The following CYFIP1 variants were observed in gnomAD, a reference collection of about 807,000 sequenced individuals.
CYFIP1 encodes cytoplasmic FMR1-interacting protein 1.
CYFIP1 carries 58 observed loss-of-function variants against 163.5 expected under a neutral mutation model. The observed-to-expected ratio is 0.35, with a 90% CI of 0.29 to 0.44. CYFIP1 has a LOEUF of 0.44. Ranked by LOEUF, CYFIP1 falls within the 20% of genes least tolerant of loss-of-function variation. CYFIP1 has a pLI of 1.00. For missense variants in CYFIP1, 1,338 were observed against 1,653.8 expected (o/e 0.81, Z 3.31); for synonymous variants, 663 against 660.7 (o/e 1.00, Z -0.05).
intron 12 of CYFIP1, among the ~76,000 whole-genome samples, chr15:22,927,483 C>CAAAAA (rs1188331935): frequency 0.014 from 821 of 57,284 alleles, 23 homozygotes; most frequent in East Asian, 0.13. Flanking sequence ...AACTCCGTCT[C>CAAAAA]AAAAAAAAAA....
chr15:22,957,993 G>A (rs1307123527), intron 1 of CYFIP1, among the ~76,000 whole-genome samples: 5 of 152,164 alleles, frequency 3.3e-5, no homozygotes, highest in Non-Finnish European at 1.5e-5. Flanking sequence ...CTGACCGCAC[G>A]GCTGCAGCAC....
chr15:22,935,109 A>G (rs1048931715), intron 9 of CYFIP1, among the ~76,000 whole-genome samples: 4 of 152,204 alleles, frequency 2.6e-5, no homozygotes, highest in Non-Finnish European at 5.9e-5. Context: ...CAGGAAATCA[A>G]TTCTAACGTG....
chr15:22,868,249 A>AGAT lies in CYFIP1; in HGVS notation c.*1776_*1778dup, dbSNP rs770672126. 1.1e-4 allele frequency: 16 copies of AGAT among 152,300 alleles called. No individual in the cohort carries two copies. Among genetic ancestry groups the AGAT allele is most frequent in the Middle Eastern group, 3.4e-3 (1 of 294 alleles). The allele number at this position is 152,300 out of a possible 1,614,324, so 9.4% of individuals were successfully genotyped here. On this transcript the variant is annotated 3_prime_UTR_variant, in exon 31 of 31. Coordinates refer to ENST00000617928, the MANE Select transcript of CYFIP1 (RefSeq NM_014608.6). The stretch of plus-strand genomic sequence containing the variant: ...TCCTCCCATGCCATTTTAATACTAC[A>AGAT]GATGTACTACGTATCTGTTTATATA...
chr15:22,932,352 G>C lies in CYFIP1; in HGVS notation c.993-12C>G, dbSNP rs189234912. On this transcript the variant is annotated splice_polypyrimidine_tract_variant and intron_variant, in intron 10 of 30. Coordinates refer to ENST00000617928, the MANE Select transcript of CYFIP1 (RefSeq NM_014608.6). ...ATGTGCACGTCCATCTGTGCAGAGAGAAAGCACCCGCGTTACCTGCGGAGG... is the reference window on the plus strand; with the variant it reads ...ATGTGCACGTCCATCTGTGCAGAGACAAAGCACCCGCGTTACCTGCGGAGG... 40 of 1,574,832 alleles carry C rather than the reference G, an allele frequency of 2.5e-5. 1 individual carries two copies. The East Asian group carries it at 5.9e-4, about 23-fold the overall frequency.
chr15:22,951,839 G>T (rs2062259526), intron 1 of CYFIP1, among the ~76,000 whole-genome samples: 1 of 152,172 alleles, frequency 6.6e-6, no homozygotes, highest in Non-Finnish European at 1.5e-5. Flanking sequence ...AACTGCTCGT[G>T]CGTCAGCTGT....
intron 6 of CYFIP1, 37 bp downstream of exon 6, chr15:22,943,136 C>T (rs1242966212): frequency 2.5e-6 from 4 of 1,602,738 alleles, no homozygotes; most frequent in Non-Finnish European, 3.4e-6. Context: ...GCTGGGTGCT[C>T]TCGGGAGGGC....
At chr15:22,969,969 G>A (rs942251879) in intron 1 of CYFIP1, among the ~76,000 whole-genome samples, 33 of 152,096 alleles carry the variant, frequency 2.2e-4, no homozygotes, top group Non-Finnish European at 2.8e-4. Flanking sequence ...AACTCTGGAT[G>A]ACATGATTTT....
At chr15:22,919,139 G>A (rs1419579254) in intron 13 of CYFIP1, among the ~76,000 whole-genome samples, 1 of 152,128 alleles carries the variant, frequency 6.6e-6, no homozygotes, top group Non-Finnish European at 1.5e-5. Flanking sequence ...TCCTGTGATG[G>A]AATTCAAATA....
chr15:22,918,029 G>C, intron 14 of CYFIP1, 94 bp from the exon 15 acceptor site: 1 of 1,399,708 alleles, frequency 7.1e-7, no homozygotes. Context: ...AAGGCTCTCA[G>C]AACAGCCCCC....
At chr15:22,954,425 A>G (rs1309462063) in intron 1 of CYFIP1, among the ~76,000 whole-genome samples, 1 of 152,208 alleles carries the variant, frequency 6.6e-6, no homozygotes, top group East Asian at 1.9e-4. Context: ...AAGAACCCAC[A>G]CGAGCTGGTA....
chr15:22,958,915 G>C (rs570203796), intron 1 of CYFIP1, among the ~76,000 whole-genome samples: 1 of 152,300 alleles, frequency 6.6e-6, no homozygotes, highest in South Asian at 2.1e-4. Context: ...CAGAGATGGG[G>C]CCCAGTATTC....
intron 11 of CYFIP1, among the ~76,000 whole-genome samples, chr15:22,928,553 CCGCGGGCTGGGCGCGGGGCTGTTACACG>C (rs1186476541): frequency 6.6e-6 from 1 of 152,150 alleles, no homozygotes; most frequent in East Asian, 1.9e-4. Context: ...GCCTGGGGGA[CCGCGGGCTGGGCGCGGGGCTGTTACACG>C]CGTGGGCTTG....
At chr15:22,945,115 T>G (rs756178993) in intron 3 of CYFIP1, among the ~76,000 whole-genome samples, 176 bp from the exon 4 acceptor site, 32 of 152,102 alleles carry the variant, frequency 2.1e-4, no homozygotes, top group Non-Finnish European at 3.8e-4. Context: ...GGGGCCACAA[T>G]GACCACCCAA....
chr15:22,973,477 C>G (rs906702972), intron 1 of CYFIP1, among the ~76,000 whole-genome samples: 6 of 152,042 alleles, frequency 3.9e-5, no homozygotes, highest in African/African-American at 1.2e-4. Flanking sequence ...TCTGGACTTT[C>G]CCCCTTGTAT....
chr15:22,977,164 A>C (rs200802321), intron 1 of CYFIP1, among the ~76,000 whole-genome samples: 2 of 151,822 alleles, frequency 1.3e-5, no homozygotes, highest in Admixed American at 1.3e-4. Flanking sequence ...GCACCATTGC[A>C]CTCTAGCCTG....
chr15:22,873,055 AC>A, intron 29 of CYFIP1, 83 bp from the exon 30 acceptor site: 1 of 1,478,178 alleles, frequency 6.8e-7, no homozygotes, highest in East Asian at 2.3e-5. Context: ...GATGTCAGTG[AC>A]CAAGCCATCT....
At chr15:22,959,934 C>G (rs1048308956) in intron 1 of CYFIP1, among the ~76,000 whole-genome samples, 6 of 152,228 alleles carry the variant, frequency 3.9e-5, no homozygotes, top group Non-Finnish European at 5.9e-5. Context: ...TCTCCCTCCC[C>G]TGTAAGGACC....
chr15:22,929,701 C>T (rs868552020), intron 11 of CYFIP1, among the ~76,000 whole-genome samples: 1 of 148,130 alleles, frequency 6.8e-6, no homozygotes, highest in Non-Finnish European at 1.5e-5. Flanking sequence ...TTTGGGAGGC[C>T]GAGACGGGCG....
intron 1 of CYFIP1, among the ~76,000 whole-genome samples, chr15:22,976,244 GCCTC>G (rs1001629498): frequency 6.6e-5 from 10 of 151,286 alleles, no homozygotes; most frequent in African/African-American, 2.2e-4. Context: ...CACAACCTCC[GCCTC>G]CCGGGTTCAG....
Sources: gnomAD v4.1 joint callset for allele counts (sites outside exome capture counted in the v4.1 genomes callset) on GRCh38, gnomAD v4.1.1 for gene constraint, MANE v1.5 for transcripts, NCBI Gene and HGNC (gene_info 2026-07-23, HGNC 2026-07-21) for gene names.